Variants in PDZRN3 observed in about 807,000 individuals in gnomAD.
PDZRN3 encodes the protein E3 ubiquitin-protein ligase PDZRN3.
PDZRN3 carries 38 observed loss-of-function variants against 85.7 expected under a neutral mutation model. That is an observed-to-expected ratio of 0.44 (90% CI 0.34 to 0.58). PDZRN3 has a LOEUF of 0.58. PDZRN3 is among the 20% of genes least tolerant of loss of function. The pLI is 0.01. For synonymous variants in PDZRN3, 759 were observed against 638.0 expected, an observed-to-expected ratio of 1.19 and a Z score of -2.86; for missense variants, 1,629 against 1,506.4, an observed-to-expected ratio of 1.08 and a Z score of -1.35.
intron 2 of PDZRN3, 146 bp downstream of exon 2, chr3:73,608,452 A>T (rs532157839): frequency 8.8e-5 from 59 of 671,254 alleles, no homozygotes; most frequent in Non-Finnish European, 1.5e-4. Flanking sequence ...AAGTGTGAAG[A>T]TGTTAGACAG....
chr3:73,488,593 C>T (rs1215691167), intron 3 of PDZRN3, among the ~76,000 whole-genome samples: 8 of 152,174 alleles, frequency 5.3e-5, no homozygotes, highest in South Asian at 2.1e-4. Flanking sequence ...CTCACCTTCT[C>T]GGCCTTTCTT....
intron 3 of PDZRN3, among the ~76,000 whole-genome samples, chr3:73,489,456 T>C (rs1473687166): frequency 6.6e-6 from 1 of 152,120 alleles, no homozygotes; most frequent in African/African-American, 2.4e-5. Flanking sequence ...TTCTCCATTG[T>C]CTATCACAAA....
intron 3 of PDZRN3, among the ~76,000 whole-genome samples, chr3:73,415,044 G>A (rs1337858078): frequency 1.3e-5 from 2 of 152,154 alleles, no homozygotes; most frequent in African/African-American, 2.4e-5. Flanking sequence ...TAATGATTGC[G>A]AATGTCTCCA....
chr3:73,477,209 T>C (rs1451938942), intron 3 of PDZRN3, among the ~76,000 whole-genome samples: 1 of 152,158 alleles, frequency 6.6e-6, no homozygotes, highest in Non-Finnish European at 1.5e-5. Context: ...TGGCACACAG[T>C]AGGCACTAAT....
At chr3:73,421,381 G>T (rs1473700125) in intron 3 of PDZRN3, among the ~76,000 whole-genome samples, 1 of 152,180 alleles carries the variant, frequency 6.6e-6, no homozygotes, top group Non-Finnish European at 1.5e-5. Flanking sequence ...TTACAACTGA[G>T]GCTCTGAGGG....
chr3:73,603,315 T>C (rs926369032), intron 2 of PDZRN3, among the ~76,000 whole-genome samples: 1 of 152,220 alleles, frequency 6.6e-6, no homozygotes, highest in South Asian at 2.1e-4. Context: ...GAACTAAAAC[T>C]TTCTGGGAAC....
intron 3 of PDZRN3, chr3:73,433,737 G>A (rs773115235): frequency 1.3e-6 from 2 of 1,535,916 alleles, no homozygotes; most frequent in South Asian, 1.2e-5. Flanking sequence ...GAAGGCTTCC[G>A]TTCTCGCCAG....
chr3:73,452,266 A>G (rs1702877810), intron 3 of PDZRN3, among the ~76,000 whole-genome samples: 1 of 152,170 alleles, frequency 6.6e-6, no homozygotes, highest in Non-Finnish European at 1.5e-5. Context: ...GTGGTAGGTT[A>G]GTAGCACGGT....
intron 3 of PDZRN3, among the ~76,000 whole-genome samples, chr3:73,455,611 T>C (rs1354537683): frequency 2.0e-5 from 3 of 152,248 alleles, no homozygotes; most frequent in Non-Finnish European, 2.9e-5. Flanking sequence ...AAAACAGATA[T>C]TATAATAAAT....
chr3:73,553,605 C>T (rs1701618382), intron 3 of PDZRN3, among the ~76,000 whole-genome samples: 1 of 151,818 alleles, frequency 6.6e-6, no homozygotes, highest in Admixed American at 6.6e-5. Context: ...CTATTATCCC[C>T]ATTTCAGAGA....
intron 3 of PDZRN3, among the ~76,000 whole-genome samples, chr3:73,567,077 T>A (rs1227271880): frequency 6.6e-6 from 1 of 152,262 alleles, no homozygotes; most frequent in African/African-American, 2.4e-5. Context: ...TGGAAAAATA[T>A]AAGAGAAAAA....
intron 3 of PDZRN3, among the ~76,000 whole-genome samples, chr3:73,524,892 C>T (rs1005108395): frequency 6.6e-6 from 1 of 151,494 alleles, no homozygotes; most frequent in Non-Finnish European, 1.5e-5. Flanking sequence ...TATATACGAT[C>T]TTTCATCTTT....
chr3:73,564,744 C>A lies in PDZRN3; in HGVS notation c.918+37610G>T, dbSNP rs181484538. ...TTAGAACTCAGGCTCTGAAATTAGG[C>A]AAATGTGAGCTAGAATGCTAACTCT... On this transcript the variant is annotated intron_variant, in intron 3 of 9. Coordinates refer to ENST00000263666, the MANE Select transcript of PDZRN3 (RefSeq NM_015009.3). 2.0e-3 allele frequency among the ~76,000 whole-genome samples: 303 copies of A among 152,252 alleles called. 2 individuals carry two copies. The highest frequency in any genetic ancestry group is 7.0e-3 in the African/African-American group (290 of 41,526).
chr3:73,496,627 T>A (rs1703872613), intron 3 of PDZRN3, among the ~76,000 whole-genome samples: 1 of 152,056 alleles, frequency 6.6e-6, no homozygotes, highest in African/African-American at 2.4e-5. Context: ...AATTAGCAAT[T>A]CTTTAATTTC....
chr3:73,524,070 C>T (rs1195136178), intron 3 of PDZRN3, among the ~76,000 whole-genome samples: 1 of 152,146 alleles, frequency 6.6e-6, no homozygotes, highest in African/African-American at 2.4e-5. Flanking sequence ...TCCCCGGGAC[C>T]TCTCCTTTCA....
chr3:73,552,225 AGT>A (rs55784793), intron 3 of PDZRN3, among the ~76,000 whole-genome samples: 8,369 of 147,666 alleles, frequency 0.057, 301 homozygotes, highest in African/African-American at 0.11. Flanking sequence ...GAATTAAAGG[AGT>A]GTGTGTGTGT....
chr3:73,570,670 G>A (rs1021928960), intron 3 of PDZRN3, among the ~76,000 whole-genome samples: 5 of 152,066 alleles, frequency 3.3e-5, no homozygotes, highest in Non-Finnish European at 5.9e-5. Flanking sequence ...TGACTGATCC[G>A]GGAGCAGAGC....
chr3:73,443,083 G>C (rs1273795666), intron 3 of PDZRN3, among the ~76,000 whole-genome samples: 1 of 152,174 alleles, frequency 6.6e-6, no homozygotes, highest in East Asian at 1.9e-4. Flanking sequence ...CCCACCACCG[G>C]CCCAGTGGGT....
At chr3:73,604,789 TA>T (rs1702570085) in intron 2 of PDZRN3, among the ~76,000 whole-genome samples, 1 of 152,126 alleles carries the variant, frequency 6.6e-6, no homozygotes, top group Admixed American at 6.5e-5. Flanking sequence ...TTTTGCAAAA[TA>T]CCACATTGCA....
Sources: gnomAD v4.1 joint callset for allele counts (sites outside exome capture counted in the v4.1 genomes callset) on GRCh38, gnomAD v4.1.1 for gene constraint, MANE v1.5 for transcripts, NCBI Gene and HGNC (gene_info 2026-07-23, HGNC 2026-07-21) for gene names.